The following LARGE1 variants were observed in gnomAD, a reference collection of about 807,000 sequenced individuals.
LARGE1 encodes the protein xylosyl- and glucuronyltransferase LARGE1.
In LARGE1, 43 loss-of-function variants were observed where a neutral mutation model predicts 87.6. The observed-to-expected ratio is 0.49, with a 90% CI of 0.38 to 0.63. LARGE1 has a LOEUF of 0.63. Ranked by LOEUF, LARGE1 falls within the 30% of genes least tolerant of loss-of-function variation. The probability of loss-of-function intolerance (pLI) is 0.00; values close to 1 mark genes in which losing one functional copy is unlikely to be tolerated. For missense variants in LARGE1, 802 were observed against 1,000.2 expected (o/e 0.80, Z 2.67); for synonymous variants, 434 against 394.6 (o/e 1.10, Z -1.18).
At chr22:33,608,934 A>G (rs1473012802) in intron 4 of LARGE1, among the ~76,000 whole-genome samples, 5 of 152,260 alleles carry the variant, frequency 3.3e-5, no homozygotes, top group African/African-American at 1.2e-4. Context: ...TAAAGTGCTT[A>G]GTAAAGTACT....
At chr22:33,681,328 T>G (rs1218911917) in intron 2 of LARGE1, among the ~76,000 whole-genome samples, 1 of 152,212 alleles carries the variant, frequency 6.6e-6, no homozygotes, top group Non-Finnish European at 1.5e-5. Context: ...ATTGAAATGT[T>G]AATTCATACT....
chr22:33,697,582 T>G (rs2082290202), intron 2 of LARGE1, among the ~76,000 whole-genome samples: 1 of 87,562 alleles, frequency 1.1e-5, no homozygotes, highest in African/African-American at 4.3e-5. Context: ...GAAATACATC[T>G]CTTTCTGTTG....
intron 4 of LARGE1, among the ~76,000 whole-genome samples, chr22:33,624,504 G>A (rs532509579): frequency 2.2e-4 from 33 of 152,236 alleles, no homozygotes; most frequent in South Asian, 2.1e-4. Context: ...AGGTGAGGGT[G>A]GGAGGAAATG....
intron 1 of LARGE1, among the ~76,000 whole-genome samples, chr22:33,789,409 A>G (rs1427880589): frequency 6.6e-6 from 1 of 152,230 alleles, no homozygotes; most frequent in African/African-American, 2.4e-5. Flanking sequence ...AACCTCTGCT[A>G]GGACAGTGTG....
At chr22:33,881,240 T>C (rs2064674405) in intron 1 of LARGE1, among the ~76,000 whole-genome samples, 5 of 152,146 alleles carry the variant, frequency 3.3e-5, no homozygotes, top group Admixed American at 3.3e-4. Flanking sequence ...CACAACACGC[T>C]GCATGGCTTA....
intron 2 of LARGE1, among the ~76,000 whole-genome samples, chr22:33,714,364 G>T (rs2082849235): frequency 6.6e-6 from 1 of 152,162 alleles, no homozygotes; most frequent in African/African-American, 2.4e-5. Flanking sequence ...GGCTTCTCTG[G>T]CTGTGTACCA....
At chr22:33,165,604 A>T (rs1922227871) in exon 12 of LARGE1, 1 of 152,198 alleles carries the variant, frequency 6.6e-6, no homozygotes, top group Non-Finnish European at 1.5e-5. Context: ...AGGTCACAGC[A>T]TTATTAGCGA....
Position 33,275,317 on chromosome 22 carries a change from AGAG to A in LARGE1, c.2074-696_2074-694del, listed in dbSNP as rs773752063. Reference sequence around the variant, plus strand: ...GACCCAGATTTAGGTCATATCGCTTAGAGGAGAACTCAGCACACTTTTACTCAG... The same window carrying A: ...GACCCAGATTTAGGTCATATCGCTTAGAGAACTCAGCACACTTTTACTCAG... On this transcript the variant is annotated intron_variant, in intron 14 of 14. Transcript: ENST00000397394. Among the ~76,000 whole-genome samples the A allele has an allele frequency of 1.2e-3, 186 of 152,312 alleles. 1 individual carries two copies. The highest frequency in any genetic ancestry group is 3.1e-4 in the Non-Finnish European group (21 of 68,024).
intron 6 of LARGE1, among the ~76,000 whole-genome samples, chr22:33,503,309 T>G (rs1602146341): frequency 6.8e-6 from 1 of 148,132 alleles, no homozygotes; most frequent in Non-Finnish European, 1.5e-5. Flanking sequence ...CAGGTTGGAG[T>G]GCAGTGGTGC....
At chr22:33,416,162 A>G (rs2066477796) in intron 7 of LARGE1, among the ~76,000 whole-genome samples, 2 of 152,156 alleles carry the variant, frequency 1.3e-5, no homozygotes, top group African/African-American at 2.4e-5. Context: ...TTTGCCCAAG[A>G]CCATTCAGCT....
At chr22:33,818,067 T>C (rs2086710229) in intron 1 of LARGE1, among the ~76,000 whole-genome samples, 1 of 152,172 alleles carries the variant, frequency 6.6e-6, no homozygotes, top group Non-Finnish European at 1.5e-5. Flanking sequence ...GGACAGGTTC[T>C]ATGCTTTAGT....
chr22:33,390,865 T>C (rs2065493530), intron 7 of LARGE1, among the ~76,000 whole-genome samples: 1 of 152,004 alleles, frequency 6.6e-6, no homozygotes, highest in Non-Finnish European at 1.5e-5. Context: ...GGCTAATGTT[T>C]TTTGTATTTT....
At chr22:33,357,892 C>G (rs938031789) in intron 9 of LARGE1, among the ~76,000 whole-genome samples, 1 of 152,190 alleles carries the variant, frequency 6.6e-6, no homozygotes, top group South Asian at 2.1e-4. Flanking sequence ...ATCTTTCCAT[C>G]TCTTCTATAA....
chr22:33,171,032 G>A (rs899239874), intron 11 of LARGE1, among the ~76,000 whole-genome samples: 4 of 152,176 alleles, frequency 2.6e-5, no homozygotes, highest in East Asian at 3.9e-4. Flanking sequence ...AGATAAGGAA[G>A]TTTTTGGGAA....
intron 6 of LARGE1, among the ~76,000 whole-genome samples, chr22:33,544,694 C>CAACAACCACA (rs1555952160): frequency 6.1e-4 from 84 of 136,632 alleles, no homozygotes; most frequent in South Asian, 2.3e-3. Context: ...AAACAACAAC[C>CAACAACCACA]ACAACAACAA....
At position 33,693,377 on chromosome 22, in the gene LARGE1, T is replaced by A. The variant is rs5999062; in HGVS notation, c.107-42709A>T. On this transcript the variant is annotated intron_variant, in intron 2 of 14. Transcript: ENST00000397394. ...TTCATTTTTATAGCCAAAAACCATCTGTAACCTTAAAGCAACTGAAATGAA... is the reference window on the plus strand; with the variant it reads ...TTCATTTTTATAGCCAAAAACCATCAGTAACCTTAAAGCAACTGAAATGAA... 6.0e-4 allele frequency among the ~76,000 whole-genome samples: 90 copies of A among 148,970 alleles called. 3 individuals are homozygous for A. The highest frequency in any genetic ancestry group is 2.1e-3 in the African/African-American group (85 of 40,042).
chr22:33,441,071 C>CTTTTTTT (rs35976426), intron 6 of LARGE1, among the ~76,000 whole-genome samples: 8 of 98,524 alleles, frequency 8.1e-5, no homozygotes, highest in African/African-American at 2.0e-4. Flanking sequence ...TTTGTTTGAA[C>CTTTTTTT]TTTTTTTTTT....
chr22:33,675,208 C>T (rs1386410140), intron 2 of LARGE1, among the ~76,000 whole-genome samples: 2 of 141,524 alleles, frequency 1.4e-5, no homozygotes, highest in Admixed American at 7.8e-5. Context: ...GCAGCAGAAT[C>T]GCTTGAACCC....
intron 1 of LARGE1, among the ~76,000 whole-genome samples, chr22:33,776,578 G>C (rs568268563): frequency 6.6e-6 from 1 of 152,270 alleles, no homozygotes; most frequent in South Asian, 2.1e-4. Context: ...CCCTGCCTTG[G>C]AGTATTTCGA....
Sources: gnomAD v4.1 joint callset for allele counts (sites outside exome capture counted in the v4.1 genomes callset) on GRCh38, gnomAD v4.1.1 for gene constraint, MANE v1.5 for transcripts, NCBI Gene and HGNC (gene_info 2026-07-23, HGNC 2026-07-21) for gene names.